CCDC174: variants seen among roughly 807,000 people sequenced by gnomAD.
CCDC174 encodes the protein coiled-coil domain containing 174.
In CCDC174, 37 loss-of-function variants were observed where a neutral mutation model predicts 57.1. The ratio of observed to expected loss-of-function variants is 0.65; its 90% CI spans 0.50 to 0.85. CCDC174 has a LOEUF of 0.85. Among genes scored for constraint, CCDC174 ranks in the 40% least tolerant of loss-of-function variants. The pLI is 0.00. For missense variants in CCDC174, 540 were observed against 574.3 expected (o/e 0.94, Z 0.61); for synonymous variants, 182 against 190.2 (o/e 0.96, Z 0.35).
In CCDC174 at chr3:14,653,187, G is replaced by C. The variant is rs147234897; in HGVS notation, c.43-1239G>C. Among the ~76,000 whole-genome samples, 703 of 152,288 alleles carry C rather than the reference G, an allele frequency of 4.6e-3. 1 individual carries two copies. The highest frequency in any genetic ancestry group is 0.014 in the Middle Eastern group (4 of 294). ...GAACCAGAAAGCTATAAATATTAAA[G>C]CCAACCTATACTGACAGGTTAGCAG... is the stretch of plus-strand genomic sequence containing the variant. On this transcript the variant is annotated intron_variant, in intron 1 of 10. Coordinates refer to ENST00000383794, the MANE Select transcript of CCDC174 (RefSeq NM_016474.5).
At chr3:14,652,116 G>A (rs1370559704) in intron 1 of CCDC174, among the ~76,000 whole-genome samples, 1 of 152,146 alleles carries the variant, frequency 6.6e-6, no homozygotes, top group East Asian at 1.9e-4. Flanking sequence ...CCTCGGACAC[G>A]GATCTGAACC....
At chr3:14,655,305 T>C (rs1400642268) in intron 2 of CCDC174, among the ~76,000 whole-genome samples, 3 of 151,354 alleles carry the variant, frequency 2.0e-5, no homozygotes, top group Non-Finnish European at 4.4e-5. Flanking sequence ...AGTGAGATCC[T>C]GTCTCAAAGA....
At chr3:14,667,560 G>A (rs765821958) in intron 8 of CCDC174, 42 bp downstream of exon 8, 12 of 1,483,110 alleles carry the variant, frequency 8.1e-6, no homozygotes, top group Middle Eastern at 1.7e-4. Context: ...AGATGTGAGC[G>A]CTTGGTTTCT....
intron 8 of CCDC174, 196 bp from the exon 9 acceptor site, chr3:14,667,853 T>C (rs1030083410): frequency 3.0e-5 from 18 of 591,546 alleles, no homozygotes; most frequent in South Asian, 7.2e-5. Context: ...TGAACTCTTA[T>C]GAAACTTTGT....
At chr3:14,667,323 A>G (rs2031374371) in intron 7 of CCDC174, 101 bp from the exon 8 acceptor site, 2 of 896,712 alleles carry the variant, frequency 2.2e-6, no homozygotes, top group Non-Finnish European at 3.6e-6. Context: ...ACTTGTGCCA[A>G]ATATCACTGT....
intron 3 of CCDC174, 67 bp from the exon 4 acceptor site, chr3:14,658,804 A>G: frequency 6.8e-7 from 1 of 1,478,296 alleles, no homozygotes; most frequent in South Asian, 1.2e-5. Flanking sequence ...TCAGGCAGGG[A>G]GTGTGGGGGC....
At chr3:14,656,092 C>CT (rs1369450301) in intron 3 of CCDC174, among the ~76,000 whole-genome samples, 1 of 152,188 alleles carries the variant, frequency 6.6e-6, no homozygotes, top group African/African-American at 2.4e-5. Context: ...TGTAGAGAGA[C>CT]TTTAAGCTTC....
At chr3:14,652,951 C>A (rs1184509287) in intron 1 of CCDC174, among the ~76,000 whole-genome samples, 1 of 151,948 alleles carries the variant, frequency 6.6e-6, no homozygotes, top group Non-Finnish European at 1.5e-5. Context: ...CCCTTTCTCA[C>A]TCACTCTACT....
chr3:14,658,072 A>G (rs545374867), intron 3 of CCDC174, among the ~76,000 whole-genome samples: 1 of 152,342 alleles, frequency 6.6e-6, no homozygotes, highest in East Asian at 1.9e-4. Context: ...ACTGCATGTC[A>G]AGGGGCCTCT....
At chr3:14,663,706 C>G (rs182215280) in intron 5 of CCDC174, among the ~76,000 whole-genome samples, 2 of 152,282 alleles carry the variant, frequency 1.3e-5, no homozygotes, top group Admixed American at 1.3e-4. Context: ...ACAGAATGGT[C>G]TATGATTGCT....
intron 2 of CCDC174, 32 bp from the exon 3 acceptor site, chr3:14,655,497 G>T: frequency 6.9e-7 from 1 of 1,451,174 alleles, no homozygotes; most frequent in South Asian, 1.2e-5. Flanking sequence ...CAATCATGTG[G>T]TTCTGTTTTG....
rs1005649322 is a variant in CCDC174 at position 14,672,213 on chromosome 3, A to C, written c.*1019A>C. ...TCCCAGGCCAGTGAGTGCTGTGAGAATACAGTAGCACAAGTCCTTGTTCTC... is the reference window on the plus strand; with the variant it reads ...TCCCAGGCCAGTGAGTGCTGTGAGACTACAGTAGCACAAGTCCTTGTTCTC... On this transcript the variant is annotated 3_prime_UTR_variant, in exon 11 of 11. Coordinates refer to ENST00000383794, the MANE Select transcript of CCDC174 (RefSeq NM_016474.5). 1 of 152,430 alleles carries C rather than the reference A, an allele frequency of 6.6e-6. No homozygotes were observed. The highest frequency in any genetic ancestry group is 1.5e-5 in the Non-Finnish European group (1 of 68,218). 9.4% of individuals were successfully genotyped at this position (152,430 alleles called of 1,614,324 possible).
rs757623278 is a variant in CCDC174 at position 14,661,680 on chromosome 3, C to G, written c.458C>G (p.Pro153Arg). The stretch of plus-strand genomic sequence containing the variant: ...GAAAACCTTCCTGAGGGAGAGATCC[C>G]TCCTCCCCAAGACCCCAGTGAAGAA... Reference protein sequence around the residue: ...DEENLPEGEIPPPQDPSEEWV... With the variant: ...DEENLPEGEIRPPQDPSEEWV... The change falls in exon 5 of 11, where the codon CCT becomes CGT. Residue 153 changes from proline to arginine, a missense_variant. Physicochemically the swap from Pro to Arg is moderately radical, Grantham distance 103. Coordinates refer to ENST00000383794, the MANE Select transcript of CCDC174 (RefSeq NM_016474.5). 2 of 1,613,856 alleles carry G rather than the reference C, an allele frequency of 1.2e-6. No individual in the cohort carries two copies. Among genetic ancestry groups the G allele is most frequent in the South Asian group, 1.1e-5 (1 of 91,050 alleles).
At chr3:14,669,690 A>G (rs2031453650) in intron 9 of CCDC174, among the ~76,000 whole-genome samples, 1 of 152,138 alleles carries the variant, frequency 6.6e-6, no homozygotes, top group Non-Finnish European at 1.5e-5. Flanking sequence ...CCTGTGTACC[A>G]TTTCTGAGCT....
chr3:14,658,095 G>A (rs1215489281), intron 3 of CCDC174, among the ~76,000 whole-genome samples: 1 of 152,218 alleles, frequency 6.6e-6, no homozygotes, highest in Middle Eastern at 3.2e-3. Flanking sequence ...GCTGGCATGC[G>A]TTTCTTCCCC....
chr3:14,653,209 G>A (rs929291822), intron 1 of CCDC174, among the ~76,000 whole-genome samples: 12 of 152,222 alleles, frequency 7.9e-5, no homozygotes, highest in Non-Finnish European at 1.6e-4. Context: ...TGACAGGTTA[G>A]CAGTAATTGT....
chr3:14,651,904 A>T (rs2030780183), intron 1 of CCDC174, 26 bp downstream of exon 1: 1 of 1,611,354 alleles, frequency 6.2e-7, no homozygotes, highest in African/African-American at 1.3e-5. Context: ...AGGTAACTCC[A>T]CGGGCTCCGG....
intron 1 of CCDC174, 72 bp downstream of exon 1, chr3:14,651,950 T>G: frequency 6.8e-7 from 1 of 1,472,890 alleles, no homozygotes; most frequent in Non-Finnish European, 9.4e-7. Flanking sequence ...AATGTCGACC[T>G]AGCTTGTTTC....
intron 4 of CCDC174, among the ~76,000 whole-genome samples, chr3:14,660,529 T>C (rs1251494814): frequency 7.2e-5 from 11 of 152,252 alleles, no homozygotes; most frequent in Admixed American, 7.2e-4. Context: ...AAGTTTATTT[T>C]ATTAAAGTCT....
Sources: gnomAD v4.1 joint callset for allele counts (sites outside exome capture counted in the v4.1 genomes callset) on GRCh38, gnomAD v4.1.1 for gene constraint, MANE v1.5 for transcripts, NCBI Gene and HGNC (gene_info 2026-07-23, HGNC 2026-07-21) for gene names.